PHACTR2: variants seen among roughly 807,000 people sequenced by gnomAD.
PHACTR2 encodes the protein phosphatase and actin regulator 2, also known as chromosome 6 open reading frame 56.
Under a neutral mutation model 76.0 loss-of-function variants are expected in PHACTR2, and 30 were observed. That is an observed-to-expected ratio of 0.39 (90% CI 0.30 to 0.54). The LOEUF is 0.54. PHACTR2 is among the 20% of genes least tolerant of loss of function. The probability of loss-of-function intolerance (pLI) is 0.61; values close to 1 mark genes in which losing one functional copy is unlikely to be tolerated. For synonymous variants in PHACTR2, 292 were observed against 292.5 expected (o/e 1.00, Z 0.02); for missense variants, 696 against 781.1 (o/e 0.89, Z 1.30).
Position 143,659,164 on chromosome 6 carries a change from C to A in PHACTR2, c.13+50842C>A, listed in dbSNP as rs191662078. 2.4e-4 allele frequency among the ~76,000 whole-genome samples: 36 copies of A among 152,178 alleles called. No individual in the cohort carries two copies. The highest frequency in any genetic ancestry group is 2.4e-4 in the Non-Finnish European group (16 of 68,012). On this transcript the variant is annotated intron_variant, in intron 1 of 11. Coordinates refer to the PHACTR2 transcript ENST00000305766. The surrounding 1 kb of genome is among the most constrained non-coding windows in gnomAD (Gnocchi z 5.0). ...TGAAAGCCTTGGATATTATTCTACA[C>A]CACTATAGACTTTATAAACACTGTA...
Position 143,801,431 on chromosome 6 carries a change from C to T in PHACTR2, c.1846-5626C>T, listed in dbSNP as rs1775952509. 6.6e-6 allele frequency among the ~76,000 whole-genome samples: 1 copy of T among 152,154 alleles called. No homozygotes were observed. The highest frequency in any genetic ancestry group is 2.4e-5 in the African/African-American group (1 of 41,434). ...CTTATTCTCTAATCTTGTCTTCTCA[C>T]TTTATTTCATTAATTTGATCTTCAA... On this transcript the variant is annotated intron_variant, in intron 11 of 12. Coordinates refer to ENST00000440869, the MANE Select transcript of PHACTR2 (RefSeq NM_001100164.2). This position sits in a 1 kb window ranked among gnomAD's most constrained non-coding sequence, Gnocchi z 4.6.
intron 1 of PHACTR2, among the ~76,000 whole-genome samples, chr6:143,622,920 C>G (rs558929155): frequency 6.6e-6 from 1 of 152,140 alleles, no homozygotes; most frequent in South Asian, 2.1e-4. Context: ...TTGATTATAT[C>G]AAAGGCATAA....
chr6:143,638,543 C>CAA (rs775356198), intron 1 of PHACTR2, among the ~76,000 whole-genome samples: 29 of 126,330 alleles, frequency 2.3e-4, no homozygotes, highest in African/African-American at 7.7e-4. Context: ...GACCTTGTCT[C>CAA]AAAAAAAAAA....
At position 143,541,325 on chromosome 6, in the gene PHACTR2, A is replaced by C. The variant is rs1781169257; in HGVS notation, c.217+4118A>C. Among the ~76,000 whole-genome samples the C allele has an allele frequency of 6.6e-6, 1 of 152,234 alleles. No homozygotes were observed. ...AACCTGAAGACACACAGCCAGGGGC[A>C]TAGACCATGTAAAGATTCAGCAAGT... On this transcript the variant is annotated intron_variant, in intron 1 of 11. Coordinates refer to the PHACTR2 transcript ENST00000367584. The surrounding 1 kb of genome is among the most constrained non-coding windows in gnomAD (Gnocchi z 5.3).
chr6:143,796,440 C>G (rs1409620899), intron 11 of PHACTR2, among the ~76,000 whole-genome samples: 4 of 151,406 alleles, frequency 2.6e-5, no homozygotes, highest in African/African-American at 4.9e-5. Flanking sequence ...ACTTTAAGTT[C>G]TGGGTTACAT....
rs57666805 is a variant in PHACTR2, at chr6:143,784,036, G to GAA, written c.1707+766_1707+767dup. On this transcript the variant is annotated intron_variant, in intron 10 of 12. Coordinates refer to ENST00000440869, the MANE Select transcript of PHACTR2 (RefSeq NM_001100164.2). This position sits in a 1 kb window ranked among gnomAD's most constrained non-coding sequence, Gnocchi z 4.5. Reference sequence around the variant, plus strand: ...ATTAATCTCGCTTGATTAGAACAATGAAAAAAAAAAAGAAAAAAAGAAGTG... The same window carrying GAA: ...ATTAATCTCGCTTGATTAGAACAATGAAAAAAAAAAAAAGAAAAAAAGAAGTG... Among the ~76,000 whole-genome samples the GAA allele has an allele frequency of 7.1e-4, 103 of 144,372 alleles. No homozygotes were observed. The highest frequency in any genetic ancestry group is 1.2e-3 in the East Asian group (6 of 4,932). 94.7% of individuals were successfully genotyped at this position (144,372 alleles called of 152,430 possible). A position where few individuals can be genotyped will look rare whatever the true frequency, so the allele number is the denominator to read the frequency against.
rs1480387423 is a variant in PHACTR2, at chr6:143,619,337, C to G, written c.13+11015C>G. 6.6e-6 allele frequency among the ~76,000 whole-genome samples: 1 copy of G among 152,196 alleles called. No homozygotes were observed. Among genetic ancestry groups the G allele is most frequent in the Non-Finnish European group, 1.5e-5 (1 of 68,030 alleles). On this transcript the variant is annotated intron_variant, in intron 1 of 11. Coordinates refer to the PHACTR2 transcript ENST00000305766. The surrounding 1 kb of genome is among the most constrained non-coding windows in gnomAD (Gnocchi z 4.5). ...GCTTCACAGATGATTCCTCTACGCC[C>G]TGGTGAGACCCATTATCGGTCTAAG...
At chr6:143,702,169 A>G (rs371140029) in intron 1 of PHACTR2, among the ~76,000 whole-genome samples, 11 of 131,478 alleles carry the variant, frequency 8.4e-5, no homozygotes, top group East Asian at 6.4e-4. Flanking sequence ...TTGCAGTGGC[A>G]TGATCTTGGC....
chr6:143,805,425 G>A (rs1357432392), intron 11 of PHACTR2, among the ~76,000 whole-genome samples: 1 of 143,518 alleles, frequency 7.0e-6, no homozygotes, highest in African/African-American at 2.6e-5. Flanking sequence ...GTTGCAGTGA[G>A]CCAAGATCGT....
chr6:143,594,007 C>G (rs9321930), intron 1 of PHACTR2, among the ~76,000 whole-genome samples: 64,605 of 151,962 alleles, frequency 0.43, 14,022 homozygotes, highest in African/African-American at 0.46. Flanking sequence ...ATCCATGTTG[C>G]AGATCGAGCA....
At chr6:143,759,808 G>T (rs770508594) in intron 4 of PHACTR2, among the ~76,000 whole-genome samples, 1 of 152,042 alleles carries the variant, frequency 6.6e-6, no homozygotes, top group East Asian at 1.9e-4. Context: ...ATTCTAAAGC[G>T]CATTGTTGCC....
chr6:143,736,554 ATTTTTTTTTTTTTTTTT>A (rs776969170), intron 2 of PHACTR2, among the ~76,000 whole-genome samples: 22 of 56,990 alleles, frequency 3.9e-4, no homozygotes, highest in African/African-American at 1.2e-3. Context: ...ACCCTTTACA[ATTTTTTTTTTTTTTTTT>A]TTTTTTTTTT....
At position 143,653,907 on chromosome 6, in the gene PHACTR2, C is replaced by T. The variant is rs1007351171; in HGVS notation, c.13+45585C>T. 1.2e-4 allele frequency among the ~76,000 whole-genome samples: 18 copies of T among 152,040 alleles called. No individual in the cohort carries two copies. The highest frequency in any genetic ancestry group is 2.4e-4 in the African/African-American group (10 of 41,394). ...ACTAAAAATGTTGTGGCTCAAAGGACACCATCTATAAAGTGAAAAGACTAC... is the reference window on the plus strand; with the variant it reads ...ACTAAAAATGTTGTGGCTCAAAGGATACCATCTATAAAGTGAAAAGACTAC... On this transcript the variant is annotated intron_variant, in intron 1 of 11. Coordinates refer to the PHACTR2 transcript ENST00000305766. This position sits in a 1 kb window ranked among gnomAD's most constrained non-coding sequence, Gnocchi z 4.9.
upstream of PHACTR2, among the ~76,000 whole-genome samples, chr6:143,675,012 T>A (rs796099530): frequency 1.1e-4 from 17 of 152,308 alleles, no homozygotes; most frequent in African/African-American, 4.1e-4. This position sits in a 1 kb window ranked among gnomAD's most constrained non-coding sequence, Gnocchi z 4.9. Context: ...AGTGCAAGTG[T>A]CACTTTGGGT....
rs1280258761 is a variant in PHACTR2, at chr6:143,539,216, T to A, written c.217+2009T>A. Among the ~76,000 whole-genome samples, 1 of 152,248 alleles carries A rather than the reference T, an allele frequency of 6.6e-6. No individual in the cohort carries two copies. Among genetic ancestry groups the A allele is most frequent in the Admixed American group, 6.5e-5 (1 of 15,286 alleles). On this transcript the variant is annotated intron_variant, in intron 1 of 11. Transcript: ENST00000367584. The surrounding 1 kb of genome is among the most constrained non-coding windows in gnomAD (Gnocchi z 4.3). ...TTATTTTACTTCTGAGGACTCTTTG[T>A]CTTTTCTGTGTCCTCTTAACGGATG...
intron 4 of PHACTR2, among the ~76,000 whole-genome samples, chr6:143,758,731 T>C (rs189273635): frequency 5.3e-5 from 8 of 152,268 alleles, no homozygotes; most frequent in Middle Eastern, 3.4e-3. Context: ...AAGGGTCAAC[T>C]TGGGCCACAG....
rs947338150 is a variant in PHACTR2, at chr6:143,809,294, A to C, written c.1922+2161A>C. Among the ~76,000 whole-genome samples the C allele has an allele frequency of 3.3e-5, 5 of 152,236 alleles. No homozygotes were observed. Among genetic ancestry groups the C allele is most frequent in the Non-Finnish European group, 7.3e-5 (5 of 68,052 alleles). ...CTGTTCTGTTGTACTCTATATGAAGAAGCACAATAAAATTGGAGTACAGGG... is the reference window on the plus strand; with the variant it reads ...CTGTTCTGTTGTACTCTATATGAAGCAGCACAATAAAATTGGAGTACAGGG... On this transcript the variant is annotated intron_variant, in intron 12 of 12. Coordinates refer to ENST00000440869, the MANE Select transcript of PHACTR2 (RefSeq NM_001100164.2). The surrounding 1 kb of genome is among the most constrained non-coding windows in gnomAD (Gnocchi z 4.2).
At chr6:143,771,162 ATATATATATATG>A (rs1482454531) in intron 6 of PHACTR2, among the ~76,000 whole-genome samples, 8 of 34,652 alleles carry the variant, frequency 2.3e-4, no homozygotes, top group African/African-American at 8.5e-4. Flanking sequence ...ATATATGTAT[ATATATATATATG>A]TATATATATA....
At chr6:143,726,438 G>GC (rs371798982) in intron 2 of PHACTR2, among the ~76,000 whole-genome samples, 23 of 151,700 alleles carry the variant, frequency 1.5e-4, no homozygotes, top group Admixed American at 4.6e-4. Flanking sequence ...CTTCCTTTTT[G>GC]CCCCCCCAGT....
Sources: gnomAD v4.1 joint callset for allele counts (sites outside exome capture counted in the v4.1 genomes callset) on GRCh38, gnomAD v4.1.1 for gene constraint, Gnocchi (gnomAD v3.1) non-coding constraint, MANE v1.5 for transcripts, NCBI Gene and HGNC (gene_info 2026-07-23, HGNC 2026-07-21) for gene names.